ZNF704: variants seen among roughly 807,000 people sequenced by gnomAD.
The protein encoded by ZNF704 is zinc finger protein 704.
A neutral mutation model predicts 44.7 loss-of-function variants in ZNF704; 10 were observed. The ratio of observed to expected loss-of-function variants is 0.22; its 90% CI spans 0.14 to 0.38. The LOEUF is 0.38. Ranked by LOEUF, ZNF704 falls within the 10% of genes least tolerant of loss-of-function variation. The pLI is 1.00. For synonymous variants in ZNF704, 211 were observed against 207.6 expected (o/e 1.02, Z -0.14); for missense variants, 390 against 545.5 (o/e 0.71, Z 2.84).
At chr8:80,775,474 A>C (rs1563549186) in intron 2 of ZNF704, among the ~76,000 whole-genome samples, 1 of 152,230 alleles carries the variant, frequency 6.6e-6, no homozygotes, top group Non-Finnish European at 1.5e-5. Context: ...TAAAGGTAAA[A>C]TAAATGATAA....
intron 2 of ZNF704, among the ~76,000 whole-genome samples, chr8:80,751,361 G>T (rs928291526): frequency 6.6e-6 from 1 of 152,134 alleles, no homozygotes; most frequent in Non-Finnish European, 1.5e-5. Context: ...TAACCTGTGG[G>T]CCTGAAGTTT....
chr8:80,726,833 GCACACACACACA>G (rs60158512), intron 2 of ZNF704, among the ~76,000 whole-genome samples: 1 of 147,586 alleles, frequency 6.8e-6, no homozygotes, highest in Non-Finnish European at 1.5e-5. Context: ...ACACACACAT[GCACACACACACA>G]CACACACACA....
intron 2 of ZNF704, among the ~76,000 whole-genome samples, chr8:80,741,510 C>CA (rs202229830): frequency 0.047 from 7,216 of 152,202 alleles, 238 homozygotes; most frequent in Middle Eastern, 0.11. Context: ...TAAAATAATA[C>CA]AAGGAAGAGA....
chr8:80,782,165 C>A (rs887442361), intron 2 of ZNF704, among the ~76,000 whole-genome samples: 1 of 152,176 alleles, frequency 6.6e-6, no homozygotes, highest in African/African-American at 2.4e-5. Context: ...TATTTATTTT[C>A]AAGCCTCTCT....
intron 2 of ZNF704, among the ~76,000 whole-genome samples, chr8:80,751,288 A>G (rs922449142): frequency 1.3e-5 from 2 of 152,176 alleles, no homozygotes; most frequent in Non-Finnish European, 2.9e-5. Context: ...GTGTTTGTTT[A>G]CAGTGACAAT....
At chr8:80,786,980 T>A (rs1485523281) in intron 2 of ZNF704, among the ~76,000 whole-genome samples, 1 of 152,246 alleles carries the variant, frequency 6.6e-6, no homozygotes, top group East Asian at 1.9e-4. Flanking sequence ...TTGTTAAATA[T>A]GGTAGTAAAA....
intron 2 of ZNF704, among the ~76,000 whole-genome samples, chr8:80,810,252 T>A (rs1218731359): frequency 6.6e-6 from 1 of 152,184 alleles, no homozygotes. Flanking sequence ...ATTCTAAAAG[T>A]ATTCCAAGTT....
chr8:80,721,525 AT>A (rs778194014), intron 2 of ZNF704, among the ~76,000 whole-genome samples: 5 of 152,214 alleles, frequency 3.3e-5, no homozygotes, highest in Non-Finnish European at 7.3e-5. Context: ...TATTCTGAGA[AT>A]TGTTTTTCAA....
chr8:80,678,874 T>C (rs1453060699), intron 4 of ZNF704, among the ~76,000 whole-genome samples: 1 of 152,140 alleles, frequency 6.6e-6, no homozygotes, highest in Non-Finnish European at 1.5e-5. Flanking sequence ...TGGTTGGATT[T>C]GGCTAATGAG....
At chr8:80,711,440 G>A (rs1386445890) in intron 2 of ZNF704, among the ~76,000 whole-genome samples, 3 of 152,158 alleles carry the variant, frequency 2.0e-5, no homozygotes, top group East Asian at 3.9e-4. Context: ...TATCAGGAAA[G>A]GAAAATGTAT....
At chr8:80,802,222 C>CCAGA (rs1052200559) in intron 2 of ZNF704, among the ~76,000 whole-genome samples, 1 of 144,490 alleles carries the variant, frequency 6.9e-6, no homozygotes, top group Non-Finnish European at 1.5e-5. Flanking sequence ...AAGCCCAGGA[C>CCAGA]CAGACGGTTT....
intron 2 of ZNF704, among the ~76,000 whole-genome samples, chr8:80,701,682 A>T (rs1818813078): frequency 6.6e-6 from 1 of 152,192 alleles, no homozygotes; most frequent in Non-Finnish European, 1.5e-5. Flanking sequence ...CAGATACAAG[A>T]GGGAAGAGAG....
At position 80,665,059 on chromosome 8, in the gene ZNF704, C is replaced by T. The variant is rs1818168502; in HGVS notation, c.683G>A (p.Ser228Asn). ...GTAGTAAAAGTCCTCTTCTCCATCACTGTAGTCAGAGTCTCCAACGCGCCT... is the reference window on the plus strand; with the variant it reads ...GTAGTAAAAGTCCTCTTCTCCATCATTGTAGTCAGAGTCTCCAACGCGCCT... ...HLGRVGDSDY[S>N]DGEEDFYYTE... The change falls in exon 6 of 9, where the codon AGT (serine) becomes AAT (asparagine). Residue 228 changes from serine (S) to asparagine (N), a missense_variant. Coordinates refer to ENST00000327835, the MANE Select transcript of ZNF704 (RefSeq NM_001033723.3). 1 of 1,614,228 alleles carries T rather than the reference C, an allele frequency of 6.2e-7. No individual in the cohort carries two copies. Among genetic ancestry groups the T allele is most frequent in the Non-Finnish European group, 8.5e-7 (1 of 1,180,024 alleles).
chr8:80,770,867 T>C (rs1380299980), intron 2 of ZNF704, among the ~76,000 whole-genome samples: 3 of 152,194 alleles, frequency 2.0e-5, no homozygotes, highest in Admixed American at 6.5e-5. Context: ...AGTTAATTTA[T>C]GTATAAGGTA....
At chr8:80,810,196 C>G (rs890634795) in intron 2 of ZNF704, among the ~76,000 whole-genome samples, 1 of 152,164 alleles carries the variant, frequency 6.6e-6, no homozygotes, top group Non-Finnish European at 1.5e-5. Flanking sequence ...GCCAATCTTA[C>G]GGTATCACCT....
At chr8:80,836,879 A>G (rs1003973371) in intron 1 of ZNF704, among the ~76,000 whole-genome samples, 1 of 152,190 alleles carries the variant, frequency 6.6e-6, no homozygotes, top group Non-Finnish European at 1.5e-5. Flanking sequence ...TACAAACTGC[A>G]TAATTATTTA....
intron 1 of ZNF704, among the ~76,000 whole-genome samples, chr8:80,825,839 C>G (rs533350213): frequency 6.6e-6 from 1 of 152,064 alleles, no homozygotes; most frequent in African/African-American, 2.4e-5. Context: ...GGGTACATCA[C>G]GAAATGAAGG....
chr8:80,724,397 T>G (rs1284183627), intron 2 of ZNF704, among the ~76,000 whole-genome samples: 1 of 152,242 alleles, frequency 6.6e-6, no homozygotes, highest in Non-Finnish European at 1.5e-5. Flanking sequence ...ATGCTGGGTT[T>G]AAGCTCATCC....
At chr8:80,670,650 A>G in intron 4 of ZNF704, 47 bp from the exon 5 acceptor site, 2 of 1,345,848 alleles carry the variant, frequency 1.5e-6, no homozygotes, top group South Asian at 2.4e-5. Flanking sequence ...ATTTTCTAAC[A>G]ACATTTTCTT....
Sources: allele counts gnomAD v4.1 joint callset (sites outside exome capture counted in the v4.1 genomes callset), GRCh38; gene constraint gnomAD v4.1.1; transcripts MANE v1.5; gene names NCBI Gene and HGNC (gene_info 2026-07-23, HGNC 2026-07-21).